CC2D2B: variants seen among roughly 807,000 people sequenced by gnomAD.
The protein encoded by CC2D2B is coiled-coil and C2 domain containing 2B.
In CC2D2B, 128 loss-of-function variants were observed where a neutral mutation model predicts 161.2. The ratio of observed to expected loss-of-function variants is 0.79; its 90% CI spans 0.69 to 0.92. The LOEUF is 0.92. Ranked by LOEUF, CC2D2B falls within the 40% of genes least tolerant of loss-of-function variation. CC2D2B has a pLI of 0.00. For missense variants in CC2D2B, 1,173 were observed against 1,375.1 expected, an observed-to-expected ratio of 0.85 and a Z score of 2.32; for synonymous variants, 391 against 449.8, an observed-to-expected ratio of 0.87 and a Z score of 1.65.
Position 95,924,849 on chromosome 10 carries a change from A to T in CC2D2B, c.240+5A>T, listed in dbSNP as rs2098535445. On this transcript the variant is annotated splice_donor_5th_base_variant and intron_variant, in intron 5 of 34. Coordinates refer to ENST00000646931, the MANE Select transcript of CC2D2B (RefSeq NM_001349008.3). ...GAAATACATCAAAGGTCCAAGGTGAATAACTTTTCTCTTTTTTTACTTTTT... is the reference window on the plus strand; with the variant it reads ...GAAATACATCAAAGGTCCAAGGTGATTAACTTTTCTCTTTTTTTACTTTTT... The T allele has an allele frequency of 6.5e-7, 1 of 1,536,718 alleles. No individual in the cohort carries two copies. Among genetic ancestry groups the T allele is most frequent in the Non-Finnish European group, 8.8e-7 (1 of 1,134,616 alleles).
chr10:95,972,436 C>T lies in CC2D2B; in HGVS notation c.1795+220C>T, dbSNP rs571624895. Among the ~76,000 whole-genome samples the T allele has an allele frequency of 6.6e-5, 10 of 152,246 alleles. No homozygotes were observed. The South Asian group carries it at 2.1e-3, about 32-fold the overall frequency. On this transcript the variant is annotated intron_variant, in intron 16 of 34. Coordinates refer to ENST00000646931, the MANE Select transcript of CC2D2B (RefSeq NM_001349008.3). ...TCCCAGGTTCAAGCAATTCTCGTGCCTCCAGTAGCTGGGATTACAGATCCC... is the reference window on the plus strand; with the variant it reads ...TCCCAGGTTCAAGCAATTCTCGTGCTTCCAGTAGCTGGGATTACAGATCCC...
At chr10:95,946,700 C>A (rs1450837780) in intron 9 of CC2D2B, among the ~76,000 whole-genome samples, 2 of 151,962 alleles carry the variant, frequency 1.3e-5, no homozygotes, top group African/African-American at 4.8e-5. Context: ...CCCTGAAACC[C>A]AGTAAGGAAG....
Position 96,013,869 on chromosome 10 carries a change from A to G in CC2D2B, c.3508A>G (p.Thr1170Ala). The G allele has an allele frequency of 6.6e-7, 1 of 1,523,674 alleles. No homozygotes were observed. The highest frequency in any genetic ancestry group is 1.3e-5 in the South Asian group (1 of 79,462). The allele number at this position is 1,523,674 out of a possible 1,614,324, so 94.4% of individuals were successfully genotyped here. The change falls in exon 29 of 35, where the codon ACA becomes GCA. Residue 1170 changes from threonine (T) to alanine (A), a missense_variant. Thr to Ala is a moderately conservative substitution (Grantham distance 58, BLOSUM62 0). Coordinates refer to ENST00000646931, the MANE Select transcript of CC2D2B (RefSeq NM_001349008.3). Reference sequence around the variant, plus strand: ...AAATGATGGCTCTGATATATGGATGACATCAGAGGTAATAAATTACATTTT... The same window carrying G: ...AAATGATGGCTCTGATATATGGATGGCATCAGAGGTAATAAATTACATTTT... ...DENDGSDIWMTSEHCISLAIG... is the reference protein window; with the variant it reads ...DENDGSDIWMASEHCISLAIG...
chr10:95,965,466 T>C (rs767460645), intron 12 of CC2D2B, among the ~76,000 whole-genome samples: 3 of 152,072 alleles, frequency 2.0e-5, no homozygotes, highest in Non-Finnish European at 2.9e-5. Context: ...ACACCAACTA[T>C]GATTTACTAC....
intron 20 of CC2D2B, among the ~76,000 whole-genome samples, chr10:95,990,910 A>C (rs1233361191): frequency 6.6e-6 from 1 of 152,210 alleles, no homozygotes; most frequent in African/African-American, 2.4e-5. Context: ...AGGCTGCCAG[A>C]ATGAGGTCTT....
intron 16 of CC2D2B, among the ~76,000 whole-genome samples, 199 bp from the exon 17 acceptor site, chr10:95,973,810 G>C (rs527731805): frequency 6.8e-6 from 1 of 146,892 alleles, no homozygotes; most frequent in Non-Finnish European, 1.5e-5. Context: ...GCAGGGAGCT[G>C]AGATTGCCCC....
At chr10:95,957,027 T>C (rs2076588812) in intron 11 of CC2D2B, among the ~76,000 whole-genome samples, 1 of 152,142 alleles carries the variant, frequency 6.6e-6, no homozygotes, top group Non-Finnish European at 1.5e-5. Flanking sequence ...AGAGGAAGGC[T>C]TGGGTGGTAA....
At position 96,016,259 on chromosome 10, in the gene CC2D2B, T is replaced by G; in HGVS notation, c.3575T>G (p.Phe1192Cys). The part of the protein sequence containing the change: ...KEEHAILLCN[F>C]FLYFGKKALV... The stretch of plus-strand genomic sequence containing the variant: ...GAGCATGCCATCCTTCTCTGTAATT[T>G]CTTTCTGTATTTTGGAAAGAAGGCA... The change falls in exon 30 of 35, where the codon TTC becomes TGC. Residue 1192 changes from phenylalanine to cysteine, a missense_variant. By Grantham distance (205) the Phe-to-Cys change is radical. Around this residue, in one of 3 missense-constraint regions of CC2D2B, gnomAD observed 598 missense variants for 693.2 expected, o/e 0.86. Coordinates refer to ENST00000646931, the MANE Select transcript of CC2D2B (RefSeq NM_001349008.3). 1.9e-6 allele frequency: 3 copies of G among 1,613,614 alleles called. No homozygotes were observed. In the South Asian group the frequency reaches 3.3e-5, roughly 18 times the overall value.
At chr10:96,003,419 A>C (rs2078599095) in intron 24 of CC2D2B, among the ~76,000 whole-genome samples, 1 of 115,288 alleles carries the variant, frequency 8.7e-6, no homozygotes, top group African/African-American at 3.1e-5. Context: ...TCCGTTATTT[A>C]TTTATGTATT....
Position 95,979,238 on chromosome 10 carries a change from G to C in CC2D2B, c.1944-2737G>C, listed in dbSNP as rs555278722. Among the ~76,000 whole-genome samples the C allele has an allele frequency of 5.7e-5, 8 of 141,416 alleles. No homozygotes were observed. The South Asian group carries it at 1.6e-3, about 28-fold the overall frequency. The allele number at this position is 141,416 out of a possible 152,430, so 92.8% of individuals were successfully genotyped here. ...CTCCTTACCTAATGGTTCTGAATTT[G>C]ACTTCATCTGTCCTCCTAAATCCAG... On this transcript the variant is annotated intron_variant, in intron 17 of 34. Coordinates refer to ENST00000646931, the MANE Select transcript of CC2D2B (RefSeq NM_001349008.3).
intron 6 of CC2D2B, among the ~76,000 whole-genome samples, chr10:95,936,327 G>C (rs1590435247): frequency 6.6e-6 from 1 of 152,180 alleles, no homozygotes; most frequent in East Asian, 1.9e-4. Flanking sequence ...TACTTCTTTT[G>C]TAAGAGGCTG....
rs772303703 is a variant in CC2D2B at position 96,012,600 on chromosome 10, C to T, written c.3297C>T (p.Pro1099=). The part of the protein sequence containing the change: ...IFKKNCKAMF[P]NRRIVTTVFN... The stretch of plus-strand genomic sequence containing the variant: ...AAAAGAATTGTAAGGCAATGTTTCC[C>T]AACCGAAGAATCGTAACTACTGTTT... Residue 1099 remains proline (P), a synonymous_variant, in exon 28 of 35, where the codon CCC becomes CCT. Transcript: ENST00000646931. The T allele has an allele frequency of 1.9e-6, 3 of 1,612,872 alleles. No individual in the cohort carries two copies. Among genetic ancestry groups the T allele is most frequent in the African/African-American group, 1.3e-5 (1 of 74,882 alleles).
chr10:95,915,407 G>A (rs565406309), intron 2 of CC2D2B, among the ~76,000 whole-genome samples: 43 of 151,524 alleles, frequency 2.8e-4, no homozygotes, highest in Non-Finnish European at 5.6e-4. Flanking sequence ...TATTTCTTTC[G>A]TCTGATTGCT....
At chr10:95,917,243 C>G (rs183282644) in intron 2 of CC2D2B, among the ~76,000 whole-genome samples, 78 of 151,572 alleles carry the variant, frequency 5.1e-4, no homozygotes, top group Non-Finnish European at 2.2e-4. Flanking sequence ...CTTTTTTCAT[C>G]CTTTTCAGTG....
chr10:95,959,783 CTAATA>C (rs1200649699), intron 11 of CC2D2B, among the ~76,000 whole-genome samples: 2 of 151,948 alleles, frequency 1.3e-5, no homozygotes, highest in East Asian at 3.9e-4. Context: ...ATTTAACATA[CTAATA>C]TAATGTGTTT....
intron 5 of CC2D2B, among the ~76,000 whole-genome samples, chr10:95,926,840 G>GTGTGTGTGTGTGTT: frequency 9.3e-6 from 1 of 108,022 alleles, no homozygotes; most frequent in Non-Finnish European, 2.2e-5. Flanking sequence ...GTGTGTGTGT[G>GTGTGTGTGTGTGTT]TGTGTGTCTG....
chr10:95,973,180 A>G (rs1249808193), intron 16 of CC2D2B, among the ~76,000 whole-genome samples: 2 of 152,090 alleles, frequency 1.3e-5, no homozygotes, highest in African/African-American at 2.4e-5. Context: ...ACGAGGGAAG[A>G]ACGGAGTTTG....
At chr10:96,013,732 T>C in intron 28 of CC2D2B, 56 bp from the exon 29 acceptor site, 1 of 1,010,522 alleles carries the variant, frequency 9.9e-7, no homozygotes, top group Non-Finnish European at 1.5e-6. Flanking sequence ...ATGTAAAGCA[T>C]TGTGCTAAGT....
intron 17 of CC2D2B, among the ~76,000 whole-genome samples, chr10:95,975,858 A>G (rs1001727622): frequency 6.6e-6 from 1 of 152,200 alleles, no homozygotes; most frequent in Non-Finnish European, 1.5e-5. Flanking sequence ...AGCCAGTGGA[A>G]AAGTGTTTAA....
Sources: allele counts gnomAD v4.1 joint callset (sites outside exome capture counted in the v4.1 genomes callset), GRCh38; gene constraint gnomAD v4.1.1; regional missense constraint gnomAD v4.1.1; transcripts MANE v1.5; gene names NCBI Gene and HGNC (gene_info 2026-07-23, HGNC 2026-07-21).